The following ROCK2 variants were observed in gnomAD, a reference collection of about 807,000 sequenced individuals.
ROCK2 encodes the protein Rho associated coiled-coil containing protein kinase 2, also known as rho-associated protein kinase 2.
ROCK2 carries 61 observed loss-of-function variants against 195.1 expected under a neutral mutation model. The observed-to-expected ratio is 0.31, with a 90% CI of 0.25 to 0.39. The LOEUF is 0.39. Ranked by LOEUF, ROCK2 falls within the 10% of genes least tolerant of loss-of-function variation. The pLI is 1.00. For synonymous variants in ROCK2, 504 were observed against 545.5 expected (o/e 0.92, Z 1.06); for missense variants, 1,109 against 1,637.4 (o/e 0.68, Z 5.57).
intron 4 of ROCK2, among the ~76,000 whole-genome samples, chr2:11,240,940 A>T (rs1286744372): frequency 2.0e-5 from 3 of 152,218 alleles, no homozygotes; most frequent in Non-Finnish European, 4.4e-5. Flanking sequence ...GATACCGTAT[A>T]TATTTTCCAT....
intron 28 of ROCK2, 125 bp from the exon 29 acceptor site, chr2:11,194,469 T>C (rs918254100): frequency 1.3e-5 from 5 of 388,400 alleles, no homozygotes; most frequent in East Asian, 7.6e-5. Flanking sequence ...CTAAAAAGTA[T>C]TTAATATATC....
chr2:11,212,418 T>C (rs1052772396), intron 17 of ROCK2, among the ~76,000 whole-genome samples: 4 of 152,156 alleles, frequency 2.6e-5, no homozygotes, highest in African/African-American at 4.8e-5. Context: ...ATTCTCAATA[T>C]CAAATTCTAA....
At chr2:11,250,650 T>C (rs1332031309) in intron 3 of ROCK2, among the ~76,000 whole-genome samples, 1 of 152,250 alleles carries the variant, frequency 6.6e-6, no homozygotes, top group Non-Finnish European at 1.5e-5. Flanking sequence ...GCTTCATCCT[T>C]CTAGTTGCTC....
At chr2:11,302,983 T>C (rs999130163) in intron 1 of ROCK2, among the ~76,000 whole-genome samples, 3 of 152,168 alleles carry the variant, frequency 2.0e-5, no homozygotes, top group African/African-American at 7.2e-5. Context: ...CTTCCATCAC[T>C]TTCCTCACAG....
At chr2:11,308,838 T>G in intron 1 of ROCK2, 1 of 1,611,698 alleles carries the variant, frequency 6.2e-7, no homozygotes. Context: ...CCAAATGTAA[T>G]AGAACTATAC....
chr2:11,191,830 G>T (rs1025916211), intron 32 of ROCK2, among the ~76,000 whole-genome samples: 12 of 152,120 alleles, frequency 7.9e-5, no homozygotes, highest in African/African-American at 2.9e-4. Flanking sequence ...CCATTATTTT[G>T]CTTAAAGTTG....
intron 32 of ROCK2, among the ~76,000 whole-genome samples, chr2:11,186,558 A>C (rs899542833): frequency 9.2e-5 from 14 of 152,190 alleles, no homozygotes; most frequent in African/African-American, 3.4e-4. Flanking sequence ...TCAAGTACTC[A>C]GTTCAGGATC....
chr2:11,343,384 A>G (rs977972495), intron 1 of ROCK2, among the ~76,000 whole-genome samples: 1 of 152,208 alleles, frequency 6.6e-6, no homozygotes, highest in Non-Finnish European at 1.5e-5. Context: ...ATTCCACTCC[A>G]CAATTCAGAC....
In ROCK2 at chr2:11,343,973, GCTCCCAGGCC is replaced by G; in HGVS notation, c.141+13_141+22del. 1 of 1,583,608 alleles carries G rather than the reference GCTCCCAGGCC, an allele frequency of 6.3e-7. No individual in the cohort carries two copies. Among genetic ancestry groups the G allele is most frequent in the East Asian group, 2.5e-5 (1 of 39,862 alleles). Reference sequence around the variant, plus strand: ...CTGAGGTGTGAGCTGCAACGAGCAAGCTCCCAGGCCCCGGCCACCTACCAGCAAGCTCTCC... The same window carrying G: ...CTGAGGTGTGAGCTGCAACGAGCAAGCCGGCCACCTACCAGCAAGCTCTCC... On this transcript the variant is annotated intron_variant, in intron 1 of 32. Coordinates refer to ENST00000315872, the MANE Select transcript of ROCK2 (RefSeq NM_004850.5).
intron 1 of ROCK2, among the ~76,000 whole-genome samples, chr2:11,290,523 A>AAAGC (rs1286500718): frequency 4.1e-4 from 63 of 152,290 alleles, no homozygotes; most frequent in African/African-American, 1.5e-3. Flanking sequence ...CCAAAATTTT[A>AAAGC]AAGCAATGAA....
chr2:11,212,005 C>T (rs902462803), intron 17 of ROCK2, among the ~76,000 whole-genome samples, 165 bp from the exon 18 acceptor site: 22 of 151,670 alleles, frequency 1.5e-4, no homozygotes, highest in African/African-American at 5.1e-4. Context: ...TCCCCAGGCT[C>T]AAGCAATCCT....
upstream of ROCK2, among the ~76,000 whole-genome samples, chr2:11,345,014 G>GGGGAGCCCGGCCGCGCCCCC (rs2148288286): frequency 6.6e-6 from 1 of 150,700 alleles, no homozygotes; most frequent in South Asian, 2.1e-4. Context: ...CGTGCGCTGG[G>GGGGAGCCCGGCCGCGCCCCC]GGGGAGCCCG....
intron 3 of ROCK2, among the ~76,000 whole-genome samples, chr2:11,251,016 C>T (rs547254117): frequency 1.5e-4 from 23 of 152,264 alleles, no homozygotes; most frequent in African/African-American, 4.6e-4. Flanking sequence ...CAAATCATAC[C>T]TTCTCAATGA....
intron 3 of ROCK2, among the ~76,000 whole-genome samples, chr2:11,255,203 C>T (rs1213294380): frequency 8.7e-6 from 1 of 115,050 alleles, no homozygotes; most frequent in Non-Finnish European, 1.7e-5. Context: ...GGGGAAAGAG[C>T]GAGACCCCAT....
chr2:11,241,569 T>A (rs1411902140), intron 4 of ROCK2, among the ~76,000 whole-genome samples: 1 of 152,158 alleles, frequency 6.6e-6, no homozygotes. Context: ...CAAGAACAGA[T>A]AAATGATGCA....
At chr2:11,242,110 C>T (rs1372778084) in intron 4 of ROCK2, among the ~76,000 whole-genome samples, 1 of 152,084 alleles carries the variant, frequency 6.6e-6, no homozygotes, top group Non-Finnish European at 1.5e-5. Context: ...GCATCCAGAA[C>T]TTTGGGAAAT....
chr2:11,233,371 G>C (rs184647774), intron 5 of ROCK2, among the ~76,000 whole-genome samples: 3 of 152,284 alleles, frequency 2.0e-5, no homozygotes, highest in East Asian at 3.9e-4. Flanking sequence ...GTGTTAGCAA[G>C]GATATGGGGA....
Position 11,192,804 on chromosome 2 carries a change from C to T in ROCK2, c.3688-92G>A, listed in dbSNP as rs1009710351. On this transcript the variant is annotated intron_variant, in intron 30 of 32. Coordinates refer to ENST00000315872, the MANE Select transcript of ROCK2 (RefSeq NM_004850.5). The surrounding 1 kb of genome is among the most constrained non-coding windows in gnomAD (Gnocchi z 5.0). ...GATAGTGTAAGTAAAATAAAATTAG[C>T]CTAAATTATTCAAAGAGAAGAAAAT... 3 of 1,357,134 alleles carry T rather than the reference C, an allele frequency of 2.2e-6. No individual in the cohort carries two copies. Among genetic ancestry groups the T allele is most frequent in the Middle Eastern group, 2.7e-4 (1 of 3,712 alleles). 84.1% of individuals were successfully genotyped at this position (1,357,134 alleles called of 1,614,324 possible).
Position 11,192,255 on chromosome 2 carries a change from G to A in ROCK2, c.4056C>T (p.Pro1352=), listed in dbSNP as rs781518081. ...SRLVKKIPKK[P]PAPDPFARSS... is the part of the protein sequence containing the mutation. Reference sequence around the variant, plus strand: ...ATCGGGCAAAAGGGTCTGGAGCTGGGGGCTTTTTAGGTATCTTTTTCACCA... The same window carrying A: ...ATCGGGCAAAAGGGTCTGGAGCTGGAGGCTTTTTAGGTATCTTTTTCACCA... The change falls in exon 32 of 33, where the codon CCC becomes CCT. Residue 1352 remains proline (P), a synonymous_variant. Coordinates refer to ENST00000315872, the MANE Select transcript of ROCK2 (RefSeq NM_004850.5). This position sits in a 1 kb window ranked among gnomAD's most constrained non-coding sequence, Gnocchi z 5.0. 2 of 1,613,752 alleles carry A rather than the reference G, an allele frequency of 1.2e-6. No homozygotes were observed. The highest frequency in any genetic ancestry group is 1.1e-5 in the South Asian group (1 of 91,054).
Sources: allele counts gnomAD v4.1 joint callset (sites outside exome capture counted in the v4.1 genomes callset), GRCh38; gene constraint gnomAD v4.1.1; non-coding constraint Gnocchi (gnomAD v3.1); transcripts MANE v1.5; gene names NCBI Gene and HGNC (gene_info 2026-07-23, HGNC 2026-07-21).